Variants in HELZ observed in about 807,000 individuals in gnomAD.
HELZ encodes the protein ATP-dependent RNA helicase with zinc finger domain.
HELZ carries 23 observed loss-of-function variants against 218.2 expected under a neutral mutation model. That is an observed-to-expected ratio of 0.11 (90% CI 0.08 to 0.15). HELZ has a LOEUF of 0.15. Among genes scored for constraint, HELZ ranks in the 10% least tolerant of loss-of-function variants. The pLI is 1.00. For missense variants in HELZ, 1,813 were observed against 2,353.7 expected, an observed-to-expected ratio of 0.77 and a Z score of 4.75; for synonymous variants, 814 against 829.4, an observed-to-expected ratio of 0.98 and a Z score of 0.32.
At chr17:67,149,466 A>C (rs1248451951) in intron 19 of HELZ, among the ~76,000 whole-genome samples, 1 of 152,204 alleles carries the variant, frequency 6.6e-6, no homozygotes, top group Non-Finnish European at 1.5e-5. Flanking sequence ...TCTATTTCCT[A>C]GTTTTCTATT....
chr17:67,226,736 A>C (rs1472685806), intron 3 of HELZ, among the ~76,000 whole-genome samples: 1 of 152,232 alleles, frequency 6.6e-6, no homozygotes, highest in Non-Finnish European at 1.5e-5. Flanking sequence ...CTAAAAGTGG[A>C]AACAACTCAA....
At chr17:67,138,938 T>C (rs1288805313) in intron 21 of HELZ, among the ~76,000 whole-genome samples, 3 of 152,244 alleles carry the variant, frequency 2.0e-5, no homozygotes, top group South Asian at 4.1e-4. Context: ...GAAGAACTTA[T>C]GGTTTATTTA....
At chr17:67,085,810 C>T (rs1010532272) in intron 32 of HELZ, among the ~76,000 whole-genome samples, 1 of 152,118 alleles carries the variant, frequency 6.6e-6, no homozygotes, top group Non-Finnish European at 1.5e-5. Flanking sequence ...AGTTTCTTTA[C>T]ATTCAATATA....
chr17:67,130,555 G>A (rs2037946752), intron 23 of HELZ, among the ~76,000 whole-genome samples: 1 of 152,050 alleles, frequency 6.6e-6, no homozygotes, highest in Admixed American at 6.6e-5. Flanking sequence ...CTGAAAAGCT[G>A]TCCTTTATTT....
chr17:67,094,333 A>AGAGAGAG (rs1555597035), intron 31 of HELZ, among the ~76,000 whole-genome samples: 13 of 146,632 alleles, frequency 8.9e-5, no homozygotes, highest in African/African-American at 2.6e-4. Flanking sequence ...AAAAAAAAAA[A>AGAGAGAG]AGAGAGAGAG....
chr17:67,153,749 A>G (rs2038759222), intron 17 of HELZ, among the ~76,000 whole-genome samples: 1 of 152,262 alleles, frequency 6.6e-6, no homozygotes. Flanking sequence ...TTCAATGTAC[A>G]CTGCACAAAT....
chr17:67,152,257 AGTC>A (rs1402157314), intron 17 of HELZ, among the ~76,000 whole-genome samples: 4 of 152,206 alleles, frequency 2.6e-5, no homozygotes, highest in African/African-American at 9.7e-5. Flanking sequence ...GAACCTGAGA[AGTC>A]GTACACGTGA....
chr17:67,106,851 C>T (rs1378504142), intron 31 of HELZ, among the ~76,000 whole-genome samples: 6 of 151,848 alleles, frequency 4.0e-5, no homozygotes, highest in Non-Finnish European at 5.9e-5. Flanking sequence ...TAACTTAAAG[C>T]GAAAAGAAGA....
chr17:67,222,843 A>T (rs1440636430), intron 3 of HELZ, among the ~76,000 whole-genome samples: 1 of 152,146 alleles, frequency 6.6e-6, no homozygotes, highest in Non-Finnish European at 1.5e-5. Flanking sequence ...CAGCTCCCAG[A>T]TACACTTCAA....
chr17:67,160,713 T>C (rs987719664), intron 16 of HELZ, among the ~76,000 whole-genome samples, 184 bp downstream of exon 16: 1 of 152,172 alleles, frequency 6.6e-6, no homozygotes, highest in African/African-American at 2.4e-5. Flanking sequence ...CTAAAAACAG[T>C]ATGTTTTAAG....
intron 10 of HELZ, 95 bp downstream of exon 10, chr17:67,190,062 A>T (rs760619966): frequency 2.1e-6 from 2 of 961,186 alleles, no homozygotes; most frequent in Non-Finnish European, 3.2e-6. Context: ...TGCAAAGAAG[A>T]TAAGGAAATA....
intron 3 of HELZ, among the ~76,000 whole-genome samples, chr17:67,235,934 G>T (rs1438571813): frequency 6.6e-6 from 1 of 151,748 alleles, no homozygotes; most frequent in East Asian, 1.9e-4. Context: ...CTAATTTTTT[G>T]TATTTTTAGA....
chr17:67,093,720 C>G (rs2036643709), intron 31 of HELZ, among the ~76,000 whole-genome samples: 1 of 152,180 alleles, frequency 6.6e-6, no homozygotes, highest in African/African-American at 2.4e-5. Context: ...TTATTTCTTA[C>G]CATTTCCACT....
chr17:67,092,077 GTGGGTTCATATCTA>G (rs1419259832), intron 31 of HELZ, among the ~76,000 whole-genome samples: 1 of 152,184 alleles, frequency 6.6e-6, no homozygotes, highest in Non-Finnish European at 1.5e-5. Context: ...AGTAATATCT[GTGGGTTCATATCTA>G]TGGGTTCATG....
At chr17:67,209,833 T>G (rs2040406513) in intron 5 of HELZ, among the ~76,000 whole-genome samples, 1 of 152,218 alleles carries the variant, frequency 6.6e-6, no homozygotes, top group African/African-American at 2.4e-5. Context: ...GGCCCAACCC[T>G]GTGACAATTT....
At chr17:67,149,123 T>C (rs2144035224) in intron 19 of HELZ, among the ~76,000 whole-genome samples, 1 of 152,308 alleles carries the variant, frequency 6.6e-6, no homozygotes, top group Middle Eastern at 3.4e-3. Context: ...AAAATCATTG[T>C]TAATAATTAA....
At chr17:67,229,265 A>G (rs2040974354) in intron 3 of HELZ, among the ~76,000 whole-genome samples, 1 of 152,100 alleles carries the variant, frequency 6.6e-6, no homozygotes, top group South Asian at 2.1e-4. Flanking sequence ...CATCACCCCA[A>G]CACAGGCCCC....
chr17:67,171,107 T>C lies in HELZ; in HGVS notation c.1431-3311A>G, dbSNP rs74542032. ...ACTCCCTCTTCCAAGGACTTCTGTATGGTAATACTCTCCTAGTTTTCTTCC... is the reference window on the plus strand; with the variant it reads ...ACTCCCTCTTCCAAGGACTTCTGTACGGTAATACTCTCCTAGTTTTCTTCC... On this transcript the variant is annotated intron_variant, in intron 13 of 32. Coordinates refer to ENST00000358691, the MANE Select transcript of HELZ (RefSeq NM_014877.4). 3.6e-4 allele frequency among the ~76,000 whole-genome samples: 54 copies of C among 152,040 alleles called. No homozygotes were observed. The East Asian group carries it at 0.01, about 30-fold the overall frequency.
At chr17:67,094,333 A>AGAGAGAGAGAGAGAGAGAGAG (rs1555597035) in intron 31 of HELZ, among the ~76,000 whole-genome samples, 3 of 146,632 alleles carry the variant, frequency 2.0e-5, no homozygotes, top group South Asian at 4.2e-4. Flanking sequence ...AAAAAAAAAA[A>AGAGAGAGAGAGAGAGAGAGAG]AGAGAGAGAG....
Sources: gnomAD v4.1 joint callset for allele counts (sites outside exome capture counted in the v4.1 genomes callset) on GRCh38, gnomAD v4.1.1 for gene constraint, MANE v1.5 for transcripts, NCBI Gene and HGNC (gene_info 2026-07-23, HGNC 2026-07-21) for gene names.